The following PI4KA variants were observed in gnomAD, a reference collection of about 807,000 sequenced individuals.
PI4KA encodes the protein phosphatidylinositol 4-kinase alpha, also known as PI4-kinase alpha.
Under a neutral mutation model 271.4 loss-of-function variants are expected in PI4KA, and 122 were observed. That is an observed-to-expected ratio of 0.45 (90% CI 0.39 to 0.52). The LOEUF is 0.52. Among genes scored for constraint, PI4KA ranks in the 20% least tolerant of loss-of-function variants. PI4KA has a pLI of 0.00. For synonymous variants in PI4KA, 1,041 were observed against 1,078.8 expected (o/e 0.96, Z 0.69); for missense variants, 1,969 against 2,769.1 (o/e 0.71, Z 6.48).
At chr22:20,812,089 C>T (rs1921122895) in intron 8 of PI4KA, among the ~76,000 whole-genome samples, 1 of 151,910 alleles carries the variant, frequency 6.6e-6, no homozygotes, top group South Asian at 2.1e-4. Flanking sequence ...AAATAATACC[C>T]CAAGAAAGGA....
Position 20,784,023 on chromosome 22 carries a change from G to A in PI4KA, c.2328+9170C>T, listed in dbSNP as rs142500721. ...GAAATGACACACAACCACAACTTCC[G>A]GCTGAATGAGAGAGAGGTAGTTAAG... is the stretch of plus-strand genomic sequence containing the variant. On this transcript the variant is annotated intron_variant, in intron 19 of 54. Transcript: ENST00000255882. The A allele has an allele frequency of 4.3e-5, 69 of 1,613,972 alleles. 1 individual carries two copies. The Middle Eastern group carries it at 1.8e-3, about 42-fold the overall frequency.
intron 1 of PI4KA, among the ~76,000 whole-genome samples, chr22:20,852,672 G>A (rs1347262702): frequency 6.6e-6 from 1 of 152,046 alleles, no homozygotes; most frequent in Non-Finnish European, 1.5e-5. Context: ...TCTACGGATG[G>A]CTCTTCTTAA....
chr22:20,801,871 G>A, intron 14 of PI4KA, 102 bp downstream of exon 14: 1 of 1,291,158 alleles, frequency 7.7e-7, no homozygotes, highest in African/African-American at 1.5e-5. Flanking sequence ...GGGCAACAGA[G>A]CGAGACTCAA....
chr22:20,719,720 C>T (rs1926467783), intron 43 of PI4KA, among the ~76,000 whole-genome samples: 2 of 152,206 alleles, frequency 1.3e-5, no homozygotes, highest in South Asian at 2.1e-4. Flanking sequence ...GTGAGCTCAA[C>T]AGCTTCCCTT....
rs374245029 is a variant in PI4KA at position 20,799,143 on chromosome 22, G to T, written c.1954C>A (p.Leu652Ile). 21 of 1,612,410 alleles carry T rather than the reference G, an allele frequency of 1.3e-5. No individual in the cohort carries two copies. The highest frequency in any genetic ancestry group is 8.8e-5 in the South Asian group (8 of 90,890). The change falls in exon 16 of 55, where the codon CTC (leucine) becomes ATC (isoleucine). Residue 652 changes from leucine (L) to isoleucine (I), a missense_variant. Leu to Ile is a conservative substitution (Grantham distance 5). Around this residue, in one of 13 missense-constraint regions of PI4KA, gnomAD observed 228 missense variants for 261.6 expected, o/e 0.87. Transcript: ENST00000255882. ...AGCTGGTCAATAATCAGCACATCGA[G>T]GGGGGAGGGTGGCTGGCAGAATTTC... ...QQKFCQPPSP[L>I]DVLIIDQLGC...
intron 43 of PI4KA, among the ~76,000 whole-genome samples, chr22:20,720,025 CAAAAA>C (rs869149471): frequency 0.036 from 1,265 of 35,308 alleles, 9 homozygotes; most frequent in African/African-American, 0.11. Context: ...GACTCTGTCT[CAAAAA>C]AAAAAAAAAA....
At chr22:20,717,352 G>T (rs71312784) in intron 45 of PI4KA, among the ~76,000 whole-genome samples, 1 of 125,478 alleles carries the variant, frequency 8.0e-6, no homozygotes, top group Non-Finnish European at 1.8e-5. Flanking sequence ...CACCTGAGCC[G>T]TCCCACACTG....
At chr22:20,742,077 TATA>T (rs1391695272) in intron 32 of PI4KA, 148 bp downstream of exon 32, 10 of 752,184 alleles carry the variant, frequency 1.3e-5, no homozygotes, top group Non-Finnish European at 1.9e-5. Flanking sequence ...GACTGTCAGG[TATA>T]ATAATAGAAT....
chr22:20,742,978 T>C (rs1173018046), intron 30 of PI4KA: 1 of 559,342 alleles, frequency 1.8e-6, no homozygotes, highest in East Asian at 3.0e-5. Flanking sequence ...TAGAAATGCA[T>C]GTTGGCAGTG....
At chr22:20,787,421 C>T (rs1308747724) in intron 19 of PI4KA, 1 of 361,744 alleles carries the variant, frequency 2.8e-6, no homozygotes, top group Admixed American at 4.0e-5. Context: ...TCAAGCCTTT[C>T]TCCACCAGGC....
intron 6 of PI4KA, 130 bp downstream of exon 6, chr22:20,819,511 T>TAAC: frequency 1.2e-6 from 1 of 852,044 alleles, no homozygotes; most frequent in Non-Finnish European, 1.8e-6. Context: ...GTCTTTGTAT[T>TAAC]AAAGAGAATT....
intron 31 of PI4KA, 95 bp from the exon 32 acceptor site, chr22:20,742,450 G>C (rs1568977528): frequency 6.4e-7 from 1 of 1,563,550 alleles, no homozygotes; most frequent in African/African-American, 1.4e-5. Context: ...GCTGGGGCCA[G>C]TGATGGCCTT....
In PI4KA at chr22:20,732,959, G is replaced by A. The variant is rs924367685; in HGVS notation, c.4288+12C>T. Reference sequence around the variant, plus strand: ...TGCCTCCACCATGAGCAGCTGCACTGTTGAGGGTTACCTGGGGGAACAAGC... The same window carrying A: ...TGCCTCCACCATGAGCAGCTGCACTATTGAGGGTTACCTGGGGGAACAAGC... On this transcript the variant is annotated intron_variant, in intron 36 of 54. Coordinates refer to ENST00000255882, the MANE Select transcript of PI4KA (RefSeq NM_058004.4). 6.2e-7 allele frequency: 1 copy of A among 1,611,388 alleles called. No homozygotes were observed. The highest frequency in any genetic ancestry group is 1.1e-5 in the South Asian group (1 of 90,974).
At chr22:20,798,412 TC>T in intron 17 of PI4KA, 171 bp downstream of exon 17, 1 of 601,218 alleles carries the variant, frequency 1.7e-6, no homozygotes, top group South Asian at 1.9e-5. Context: ...AGTGGTCACC[TC>T]CAGGTGGGGG....
chr22:20,840,959 T>C (rs1273563479), intron 1 of PI4KA, among the ~76,000 whole-genome samples: 3 of 152,148 alleles, frequency 2.0e-5, no homozygotes, highest in Non-Finnish European at 4.4e-5. Flanking sequence ...CTGGGCTACA[T>C]TCCCAGGCAG....
chr22:20,785,567 T>C (rs906294900), intron 19 of PI4KA, among the ~76,000 whole-genome samples: 1 of 152,178 alleles, frequency 6.6e-6, no homozygotes, highest in African/African-American at 2.4e-5. Flanking sequence ...GAGGCAAAGA[T>C]TGAGAATATT....
chr22:20,756,683 C>T (rs145667575), intron 23 of PI4KA, among the ~76,000 whole-genome samples: 1,584 of 152,018 alleles, frequency 0.01, 9 homozygotes, highest in Non-Finnish European at 0.015. Flanking sequence ...CAGGCTGGAG[C>T]GCAGTGGTGT....
At chr22:20,795,181 TTTTC>T (rs549272347) in intron 18 of PI4KA, among the ~76,000 whole-genome samples, 273 of 152,220 alleles carry the variant, frequency 1.8e-3, no homozygotes, top group African/African-American at 6.2e-3. Flanking sequence ...ACCCCCGACT[TTTTC>T]TTTTTTTTCC....
chr22:20,808,290 CAA>C (rs998669483), intron 9 of PI4KA, among the ~76,000 whole-genome samples: 11 of 90,104 alleles, frequency 1.2e-4, no homozygotes, highest in Admixed American at 2.6e-4. Context: ...AACTCTGTCT[CAA>C]AAAAAAAAAA....
Sources: gnomAD v4.1 joint callset for allele counts (sites outside exome capture counted in the v4.1 genomes callset) on GRCh38, gnomAD v4.1.1 for gene constraint, gnomAD v4.1.1 regional missense constraint, MANE v1.5 for transcripts, NCBI Gene and HGNC (gene_info 2026-07-23, HGNC 2026-07-21) for gene names.